SDK1: variants seen among roughly 807,000 people sequenced by gnomAD.
The protein encoded by SDK1 is protein sidekick-1.
In SDK1, 157 loss-of-function variants were observed where a neutral mutation model predicts 245.5. The ratio of observed to expected loss-of-function variants is 0.64; its 90% confidence interval spans 0.56 to 0.73. The LOEUF is 0.73. SDK1 is among the 30% of genes least tolerant of loss of function. SDK1 has a pLI of 0.00. For synonymous variants in SDK1, 1,647 were observed against 1,278.5 expected (o/e 1.29, Z -6.15); for missense variants, 3,583 against 3,002.3 (o/e 1.19, Z -4.52).
rs118175667 is a variant in SDK1, at chr7:3,584,512, C to T, written c.299-34568C>T. Among the ~76,000 whole-genome samples the T allele has an allele frequency of 6.0e-3, 918 of 152,256 alleles. 6 individuals are homozygous for T. Among genetic ancestry groups the T allele is most frequent in the South Asian group, 0.012 (57 of 4,826 alleles). ...CCCCACCTGAAGTCCCCTGTGGGGC[C>T]GCTCCTTGAGAGTTGAACCTTTATC... is the stretch of plus-strand genomic sequence containing the variant. On this transcript the variant is annotated intron_variant, in intron 1 of 44. Coordinates refer to ENST00000404826, the MANE Select transcript of SDK1 (RefSeq NM_152744.4).
chr7:3,538,424 A>T (rs908624097), intron 1 of SDK1, among the ~76,000 whole-genome samples: 1 of 151,972 alleles, frequency 6.6e-6, no homozygotes, highest in African/African-American at 2.4e-5. Flanking sequence ...TTTGCCTTTT[A>T]ATGTATCCTC....
intron 4 of SDK1, among the ~76,000 whole-genome samples, chr7:3,710,652 T>C (rs562564474): frequency 1.3e-5 from 2 of 152,368 alleles, no homozygotes; most frequent in South Asian, 2.1e-4. Context: ...GACACTCTCG[T>C]AAATTACTCT....
chr7:3,441,038 C>CATACG (rs1780179811), intron 1 of SDK1, among the ~76,000 whole-genome samples: 1 of 152,270 alleles, frequency 6.6e-6, no homozygotes, highest in South Asian at 2.1e-4. Flanking sequence ...CGTCACAATG[C>CATACG]ATACGTCTTT....
At chr7:3,332,967 C>A (rs1473475854) in intron 1 of SDK1, among the ~76,000 whole-genome samples, 1 of 152,216 alleles carries the variant, frequency 6.6e-6, no homozygotes, top group African/African-American at 2.4e-5. Context: ...GGGGAACGAG[C>A]CTCTTTGTCC....
At chr7:3,374,718 C>T (rs895420282) in intron 1 of SDK1, among the ~76,000 whole-genome samples, 1 of 152,070 alleles carries the variant, frequency 6.6e-6, no homozygotes, top group African/African-American at 2.4e-5. Flanking sequence ...CTACACACAC[C>T]CACACCCCCA....
chr7:3,894,922 C>G (rs547954230), intron 5 of SDK1, among the ~76,000 whole-genome samples: 1 of 151,972 alleles, frequency 6.6e-6, no homozygotes, highest in East Asian at 1.9e-4. Context: ...CTCAGGTGAT[C>G]TGCCTGCTTT....
At chr7:3,657,178 C>T (rs946209281) in intron 4 of SDK1, among the ~76,000 whole-genome samples, 1 of 152,048 alleles carries the variant, frequency 6.6e-6, no homozygotes, top group Non-Finnish European at 1.5e-5. Flanking sequence ...GGTGTGTGTC[C>T]CACCCAGGGC....
At chr7:3,343,320 A>T (rs1399999251) in intron 1 of SDK1, among the ~76,000 whole-genome samples, 2 of 152,344 alleles carry the variant, frequency 1.3e-5, no homozygotes, top group African/African-American at 4.8e-5. Context: ...CTGTATCATG[A>T]TTACTTCTCA....
At chr7:3,721,428 A>C (rs897721474) in intron 4 of SDK1, among the ~76,000 whole-genome samples, 1 of 152,202 alleles carries the variant, frequency 6.6e-6, no homozygotes, top group African/African-American at 2.4e-5. Flanking sequence ...ACTCCTCGTA[A>C]ATCTAATTAT....
chr7:4,122,899 G>C (rs1784159009), intron 25 of SDK1, among the ~76,000 whole-genome samples: 1 of 152,176 alleles, frequency 6.6e-6, no homozygotes, highest in Admixed American at 6.5e-5. Context: ...GTCCTCGTAG[G>C]ATTTAAATGC....
At chr7:3,672,895 C>G (rs914697632) in intron 4 of SDK1, among the ~76,000 whole-genome samples, 1 of 147,668 alleles carries the variant, frequency 6.8e-6, no homozygotes, top group Admixed American at 6.8e-5. Flanking sequence ...TTGGAGTGAT[C>G]TTTGGGTAAA....
intron 4 of SDK1, among the ~76,000 whole-genome samples, chr7:3,749,866 C>T (rs924594495): frequency 6.6e-6 from 1 of 152,134 alleles, no homozygotes; most frequent in African/African-American, 2.4e-5. Context: ...TAGACTGAGT[C>T]AGTACTGTAA....
At chr7:4,126,755 C>T (rs529443739) in intron 25 of SDK1, among the ~76,000 whole-genome samples, 3 of 152,348 alleles carry the variant, frequency 2.0e-5, no homozygotes, top group Non-Finnish European at 2.9e-5. Context: ...TGGCTGGCCT[C>T]GGCTGCCCAT....
At chr7:4,174,568 G>T (rs530796263) in intron 33 of SDK1, among the ~76,000 whole-genome samples, 2 of 152,312 alleles carry the variant, frequency 1.3e-5, no homozygotes, top group Non-Finnish European at 2.9e-5. Context: ...GGAGGCAGAG[G>T]GGCCTTGTCT....
rs917218698 is a variant in SDK1, at chr7:3,955,040, C to A, written c.1150+3120C>A. ...CTTAGTGCCTGTGAGATGCATCTTCCCTCCGAGCCACGCCTTCTCCACGGT... is the reference window on the plus strand; with the variant it reads ...CTTAGTGCCTGTGAGATGCATCTTCACTCCGAGCCACGCCTTCTCCACGGT... On this transcript the variant is annotated intron_variant, in intron 7 of 44. Coordinates refer to ENST00000404826, the MANE Select transcript of SDK1 (RefSeq NM_152744.4). Among the ~76,000 whole-genome samples, 4 of 152,270 alleles carry A rather than the reference C, an allele frequency of 2.6e-5. No individual in the cohort carries two copies. In the East Asian group the frequency reaches 7.7e-4, roughly 29 times the overall value.
At chr7:4,194,721 G>A (rs921671186) in intron 35 of SDK1, among the ~76,000 whole-genome samples, 10 of 152,130 alleles carry the variant, frequency 6.6e-5, no homozygotes, top group African/African-American at 2.4e-4. Context: ...AGTGGCAGCT[G>A]ATGAGATGGT....
intron 1 of SDK1, among the ~76,000 whole-genome samples, chr7:3,500,080 G>A (rs1367996155): frequency 6.6e-6 from 1 of 152,142 alleles, no homozygotes; most frequent in Non-Finnish European, 1.5e-5. Flanking sequence ...GGTTAAAAAG[G>A]TGGTTGGGTG....
At position 3,951,853 on chromosome 7, in the gene SDK1, C is replaced by A. The variant is rs61745546; in HGVS notation, c.1083C>A (p.Val361=). ...NPTSADTGPY[V]CEAALPGSAF... is the part of the protein sequence containing the mutation. Reference sequence around the variant, plus strand: ...CGTCCGCGGACACCGGGCCATACGTCTGCGAGGCGGCGCTGCCGGGGAGCG... The same window carrying A: ...CGTCCGCGGACACCGGGCCATACGTATGCGAGGCGGCGCTGCCGGGGAGCG... The change falls in exon 7 of 45, where the codon GTC becomes GTA. Residue 361 remains valine (V), a synonymous_variant. Coordinates refer to ENST00000404826, the MANE Select transcript of SDK1 (RefSeq NM_152744.4). 1,431 of 1,613,816 alleles carry A rather than the reference C, an allele frequency of 8.9e-4. 12 individuals carry two copies. In the African/African-American group the frequency reaches 0.016, roughly 18 times the overall value.
chr7:3,305,164 C>A (rs1258537257), intron 1 of SDK1, among the ~76,000 whole-genome samples: 3 of 152,148 alleles, frequency 2.0e-5, no homozygotes, highest in African/African-American at 7.2e-5. Flanking sequence ...ATCGTTTATT[C>A]CTACTGAAAC....
Sources: gnomAD v4.1 joint callset for allele counts (sites outside exome capture counted in the v4.1 genomes callset) on GRCh38, gnomAD v4.1.1 for gene constraint, MANE v1.5 for transcripts, NCBI Gene and HGNC (gene_info 2026-07-23, HGNC 2026-07-21) for gene names.